Variants in CRACR2A observed in about 807,000 individuals in gnomAD.
The protein encoded by CRACR2A is EF-hand calcium-binding domain-containing protein 4B.
A neutral mutation model predicts 90.5 loss-of-function variants in CRACR2A; 79 were observed. The observed-to-expected ratio is 0.87, with a 90% CI of 0.73 to 1.05. The LOEUF is 1.05. CRACR2A is among the 50% of genes least tolerant of loss of function. CRACR2A has a pLI of 0.00. For missense variants in CRACR2A, 823 were observed against 897.2 expected, an observed-to-expected ratio of 0.92 and a Z score of 1.06; for synonymous variants, 338 against 356.7, an observed-to-expected ratio of 0.95 and a Z score of 0.59.
intron 1 of CRACR2A, among the ~76,000 whole-genome samples, chr12:3,734,944 C>G (rs1042769944): frequency 3.3e-5 from 5 of 152,032 alleles, no homozygotes; most frequent in African/African-American, 9.7e-5. Context: ...TTCTAGAGAT[C>G]TAATGTACAG....
chr12:3,717,648 T>C (rs573803644), intron 2 of CRACR2A, among the ~76,000 whole-genome samples: 1 of 152,356 alleles, frequency 6.6e-6, no homozygotes, highest in South Asian at 2.1e-4. Flanking sequence ...ATGCCTCTCA[T>C]TTATGAGTCA....
chr12:3,667,707 C>T (rs1945173063), intron 7 of CRACR2A, among the ~76,000 whole-genome samples: 1 of 152,224 alleles, frequency 6.6e-6, no homozygotes, highest in South Asian at 2.1e-4. Flanking sequence ...CTGCAGTCCT[C>T]TGACAGCTAA....
rs945941345 is a variant in CRACR2A, at chr12:3,633,112, C to T, written c.1735+492G>A. ...GCAGGCTGGGGACTTAGGACAGATA[C>T]AATGCGATGGGTAAAAGAAGCCATC... On this transcript the variant is annotated intron_variant, in intron 15 of 19. Coordinates refer to ENST00000440314, the MANE Select transcript of CRACR2A (RefSeq NM_001144958.2). This position sits in a 1 kb window ranked among gnomAD's most constrained non-coding sequence, Gnocchi z 4.5. 5.9e-5 allele frequency among the ~76,000 whole-genome samples: 9 copies of T among 152,118 alleles called. No homozygotes were observed. The highest frequency in any genetic ancestry group is 1.3e-4 in the Non-Finnish European group (9 of 68,026).
chr12:3,728,179 G>A (rs1267558023), intron 2 of CRACR2A: 1 of 152,140 alleles, frequency 6.6e-6, no homozygotes, highest in Non-Finnish European at 1.5e-5. Context: ...CTCATCCATA[G>A]GAAACACAGG....
chr12:3,708,503 C>T (rs1361745958), intron 3 of CRACR2A, among the ~76,000 whole-genome samples: 1 of 152,200 alleles, frequency 6.6e-6, no homozygotes, highest in Non-Finnish European at 1.5e-5. Context: ...CGGCTCACTA[C>T]AAGCTCCGCC....
At chr12:3,674,137 G>A (rs1035554260) in intron 6 of CRACR2A, among the ~76,000 whole-genome samples, 2 of 152,226 alleles carry the variant, frequency 1.3e-5, no homozygotes, top group Non-Finnish European at 2.9e-5. Flanking sequence ...GGTCCTCACT[G>A]CTGAGAGGTA....
intron 7 of CRACR2A, among the ~76,000 whole-genome samples, chr12:3,661,250 T>C (rs948578719): frequency 6.6e-6 from 1 of 152,200 alleles, no homozygotes. Flanking sequence ...CTTCCAGCTT[T>C]ACAGAAACCA....
At chr12:3,628,053 C>T (rs1444268467) in intron 15 of CRACR2A, among the ~76,000 whole-genome samples, 7 of 135,838 alleles carry the variant, frequency 5.2e-5, no homozygotes, top group Non-Finnish European at 1.1e-4. Flanking sequence ...TTCCCTCTCT[C>T]TCTCTTTCCC....
At chr12:3,654,643 T>C (rs764992730) in intron 9 of CRACR2A, among the ~76,000 whole-genome samples, 30 of 152,112 alleles carry the variant, frequency 2.0e-4, no homozygotes, top group Non-Finnish European at 3.5e-4. Context: ...CACTAAATAG[T>C]CCAGGAGGAG....
chr12:3,739,306 A>T (rs1317506253), intron 1 of CRACR2A, among the ~76,000 whole-genome samples: 1 of 152,198 alleles, frequency 6.6e-6, no homozygotes, highest in Non-Finnish European at 1.5e-5. Context: ...CAGAGTCTTG[A>T]TTTCTTCATC....
chr12:3,677,048 A>G (rs991436504), intron 6 of CRACR2A, among the ~76,000 whole-genome samples: 1 of 152,040 alleles, frequency 6.6e-6, no homozygotes, highest in Non-Finnish European at 1.5e-5. Flanking sequence ...CGCTTAGCCA[A>G]TCGGACCACC....
intron 18 of CRACR2A, among the ~76,000 whole-genome samples, chr12:3,617,302 T>C (rs1867708417): frequency 6.6e-6 from 1 of 152,178 alleles, no homozygotes; most frequent in African/African-American, 2.4e-5. Flanking sequence ...CTTTACACTT[T>C]CCCAAATTCC....
intron 3 of CRACR2A, among the ~76,000 whole-genome samples, chr12:3,699,099 A>G (rs1945791388): frequency 6.6e-6 from 1 of 152,188 alleles, no homozygotes; most frequent in South Asian, 2.1e-4. Flanking sequence ...CCCATTATAC[A>G]GATGAGGAAA....
intron 15 of CRACR2A, among the ~76,000 whole-genome samples, chr12:3,630,632 A>G (rs946592013): frequency 2.0e-5 from 3 of 152,284 alleles, no homozygotes; most frequent in African/African-American, 7.2e-5. Context: ...GAGATCCTCT[A>G]TTGTGGATCT....
chr12:3,633,727 A>G lies in CRACR2A; in HGVS notation c.1612T>C (p.Ser538Pro). The G allele has an allele frequency of 1.3e-6, 2 of 1,551,624 alleles. No individual in the cohort carries two copies. The highest frequency in any genetic ancestry group is 8.7e-7 in the Non-Finnish European group (1 of 1,146,994). Residue 538 changes from serine (S) to proline (P), a missense_variant, in exon 15 of 20, where the codon TCT becomes CCT. By Grantham distance (74) the Ser-to-Pro change is moderately conservative (BLOSUM62 -1). Transcript: ENST00000440314. The surrounding 1 kb of genome is among the most constrained non-coding windows in gnomAD (Gnocchi z 4.5). ...GKEALCKEES[S>P]PSAPDRLFKI... ...AAGAGCCGGTCAGGGGCAGAGGGAG[A>G]GCTTTCCTCCTGTGGATGGCACACA... is the stretch of plus-strand genomic sequence containing the variant.
chr12:3,663,590 T>A (rs1170003198), intron 7 of CRACR2A, among the ~76,000 whole-genome samples: 2 of 152,198 alleles, frequency 1.3e-5, no homozygotes, highest in Non-Finnish European at 2.9e-5. Context: ...TCACATGGAT[T>A]TTTTACAAAT....
Position 3,680,889 on chromosome 12 carries a change from G to GCTTTC in CRACR2A, c.229-541_229-540insGAAAG, listed in dbSNP as rs1945434717. Among the ~76,000 whole-genome samples the GCTTTC allele has an allele frequency of 2.0e-5, 3 of 152,366 alleles. No homozygotes were observed. In the South Asian group the frequency reaches 6.2e-4, roughly 32 times the overall value. ...AATCATGAATGTAAAGCATATAACA[G>GCTTTC]TGCCTGCATACAGAAAGCATTCAAT... On this transcript the variant is annotated intron_variant, in intron 4 of 19. Transcript: ENST00000440314.
chr12:3,738,049 A>G lies in CRACR2A; in HGVS notation c.-386-4839T>C, dbSNP rs559411464. On this transcript the variant is annotated intron_variant, in intron 1 of 19. Transcript: ENST00000440314. The stretch of plus-strand genomic sequence containing the variant: ...GGCTTCTCATCACAACACCCTATGC[A>G]CTCTTTAGGGTATTCATAAAGTGCA... 9.7e-4 allele frequency among the ~76,000 whole-genome samples: 147 copies of G among 152,180 alleles called. 1 individual carries two copies. Among genetic ancestry groups the G allele is most frequent in the African/African-American group, 3.4e-3 (143 of 41,526 alleles).
At chr12:3,635,474 C>T (rs188425347) in intron 14 of CRACR2A, among the ~76,000 whole-genome samples, 3 of 151,386 alleles carry the variant, frequency 2.0e-5, no homozygotes, top group South Asian at 2.1e-4. Flanking sequence ...ATAGTCTACC[C>T]TACCATCCTG....
Sources: gnomAD v4.1 joint callset for allele counts (sites outside exome capture counted in the v4.1 genomes callset) on GRCh38, gnomAD v4.1.1 for gene constraint, Gnocchi (gnomAD v3.1) non-coding constraint, MANE v1.5 for transcripts, NCBI Gene and HGNC (gene_info 2026-07-23, HGNC 2026-07-21) for gene names.